The following ADARB2 variants were observed in gnomAD, a reference collection of about 807,000 sequenced individuals.
ADARB2 encodes inactive double-stranded RNA-specific editase B2.
A neutral mutation model predicts 62.2 loss-of-function variants in ADARB2; 25 were observed. The observed-to-expected ratio is 0.40, with a 90% CI of 0.29 to 0.56. The LOEUF is 0.56. Among genes scored for constraint, ADARB2 ranks in the 20% least tolerant of loss-of-function variants. The pLI, the probability that ADARB2 is intolerant of heterozygous loss-of-function variation, is 0.43. For synonymous variants in ADARB2, 572 were observed against 500.8 expected (o/e 1.14, Z -1.90); for missense variants, 1,071 against 1,077.4 (o/e 0.99, Z 0.08).
chr10:1,183,110 C>T lies in ADARB2; in HGVS notation c.*83G>A, dbSNP rs976730270. On this transcript the variant is annotated 3_prime_UTR_variant, in exon 10 of 10. Coordinates refer to ENST00000381312, the MANE Select transcript of ADARB2 (RefSeq NM_018702.4). ...CCAAAGTAAAACGAATGCAGGGAAC[C>T]GGCCGACCCGCCACGTCGCCCCCCA... 2.5e-5 allele frequency: 37 copies of T among 1,490,320 alleles called. No homozygotes were observed. Among genetic ancestry groups the T allele is most frequent in the African/African-American group, 4.2e-5 (3 of 71,468 alleles). 92.3% of individuals were successfully genotyped at this position (1,490,320 alleles called of 1,614,324 possible).
chr10:1,580,537 G>A (rs930245697), intron 1 of ADARB2, among the ~76,000 whole-genome samples: 57 of 145,790 alleles, frequency 3.9e-4, no homozygotes, highest in African/African-American at 1.3e-3. Context: ...TTTATTTAGA[G>A]CAGTTTGTGG....
chr10:1,217,619 T>C (rs1830643810), intron 6 of ADARB2, among the ~76,000 whole-genome samples: 1 of 152,208 alleles, frequency 6.6e-6, no homozygotes, highest in African/African-American at 2.4e-5. Context: ...ACTCAGCTCT[T>C]ACCCTGGTCC....
chr10:1,245,485 C>A (rs1211973682), intron 4 of ADARB2, among the ~76,000 whole-genome samples: 1 of 136,904 alleles, frequency 7.3e-6, no homozygotes, highest in Middle Eastern at 3.6e-3. Flanking sequence ...TATTCCTCCC[C>A]CCTCCCCCCA....
At chr10:1,525,346 C>T (rs138694338) in intron 1 of ADARB2, among the ~76,000 whole-genome samples, 4 of 152,308 alleles carry the variant, frequency 2.6e-5, no homozygotes, top group Non-Finnish European at 4.4e-5. Context: ...AGGAATCTCA[C>T]GATTTCATCT....
intron 1 of ADARB2, among the ~76,000 whole-genome samples, chr10:1,614,989 C>A (rs1874995): frequency 6.6e-6 from 1 of 151,776 alleles, no homozygotes; most frequent in South Asian, 2.1e-4. Context: ...GCTCTTTCTT[C>A]TCATTGTTGG....
At chr10:1,419,917 GTCTC>G (rs1832838410) in intron 1 of ADARB2, among the ~76,000 whole-genome samples, 1 of 152,220 alleles carries the variant, frequency 6.6e-6, no homozygotes. Flanking sequence ...AGAAATCAGA[GTCTC>G]TCTGGACATC....
At chr10:1,448,345 T>G (rs1267534954) in intron 1 of ADARB2, among the ~76,000 whole-genome samples, 2 of 152,188 alleles carry the variant, frequency 1.3e-5, no homozygotes, top group African/African-American at 4.8e-5. Flanking sequence ...TACTCCAAAG[T>G]GAACATGGGT....
chr10:1,533,150 G>A (rs546072296), intron 1 of ADARB2, among the ~76,000 whole-genome samples: 15 of 148,120 alleles, frequency 1.0e-4, no homozygotes, highest in Admixed American at 6.7e-4. Flanking sequence ...ATGGAGCCTC[G>A]CTCCATTGCC....
At position 1,363,643 on chromosome 10, in the gene ADARB2, C is replaced by T; in HGVS notation, c.462G>A (p.Pro154=). The T allele has an allele frequency of 3.1e-6, 5 of 1,605,906 alleles. No homozygotes were observed. The highest frequency in any genetic ancestry group is 4.3e-6 in the Non-Finnish European group (5 of 1,176,144). The change falls in exon 3 of 10, where the codon CCG becomes CCA. Residue 154 remains proline, a synonymous_variant. Coordinates refer to ENST00000381312, the MANE Select transcript of ADARB2 (RefSeq NM_018702.4). ...TCACCTCCACCGCTACCGCGAAGAC[C>T]GGGGCATGCACCGGGCCCGTCTGCG... ...TVSQTGPVHA[P]VFAVAVEVNG...
At position 1,678,315 on chromosome 10, in the gene ADARB2, G is replaced by A. The variant is rs530121965; in HGVS notation, c.100+58736C>T. On this transcript the variant is annotated intron_variant, in intron 1 of 9. Transcript: ENST00000381312. ...CGGGGTGAGCATCCTCAGGGTGAGC[G>A]TCTTCAGGGTGAACATCCTCGGGGT... is the stretch of plus-strand genomic sequence containing the variant. 7.3e-5 allele frequency: 72 copies of A among 985,130 alleles called. 1 individual carries two copies. The highest frequency in any genetic ancestry group is 8.2e-5 in the Non-Finnish European group (68 of 829,906). 61.0% of individuals were successfully genotyped at this position (985,130 alleles called of 1,614,324 possible).
chr10:1,262,845 G>A (rs2131792358), intron 4 of ADARB2, among the ~76,000 whole-genome samples: 1 of 152,146 alleles, frequency 6.6e-6, no homozygotes, highest in South Asian at 2.1e-4. Context: ...TGTTTATTTT[G>A]GCACTATTCA....
At chr10:1,604,104 C>T (rs2132016648) in intron 1 of ADARB2, among the ~76,000 whole-genome samples, 1 of 152,216 alleles carries the variant, frequency 6.6e-6, no homozygotes. Context: ...TGCCTCTGGC[C>T]AATATTTTAT....
chr10:1,213,850 G>C (rs1663846480), intron 7 of ADARB2, among the ~76,000 whole-genome samples: 1 of 152,206 alleles, frequency 6.6e-6, no homozygotes, highest in Admixed American at 6.5e-5. Context: ...CGTTGTGTGG[G>C]TTTGCATCTG....
chr10:1,654,646 T>C (rs1834152595), intron 1 of ADARB2, among the ~76,000 whole-genome samples: 1 of 152,238 alleles, frequency 6.6e-6, no homozygotes, highest in African/African-American at 2.4e-5. Flanking sequence ...GGCTTTCCTG[T>C]TTCCTTTGGT....
At chr10:1,596,689 G>A (rs1205502957) in intron 1 of ADARB2, among the ~76,000 whole-genome samples, 6 of 152,158 alleles carry the variant, frequency 3.9e-5, no homozygotes, top group Admixed American at 6.5e-5. Context: ...TGAGGGAATC[G>A]GTGTCACCCG....
At chr10:1,203,692 G>T (rs1421068829) in intron 7 of ADARB2, among the ~76,000 whole-genome samples, 1 of 152,150 alleles carries the variant, frequency 6.6e-6, no homozygotes, top group African/African-American at 2.4e-5. Flanking sequence ...TGTGAGCCAG[G>T]GTTGAAGACT....
intron 1 of ADARB2, among the ~76,000 whole-genome samples, chr10:1,724,841 A>G (rs1482818093): frequency 6.6e-6 from 1 of 152,204 alleles, no homozygotes; most frequent in Non-Finnish European, 1.5e-5. Flanking sequence ...GTGGACAGCC[A>G]CAATGCCTGA....
chr10:1,288,839 T>G (rs950098277), intron 3 of ADARB2, among the ~76,000 whole-genome samples: 1 of 152,184 alleles, frequency 6.6e-6, no homozygotes, highest in Non-Finnish European at 1.5e-5. Context: ...CACTCTGACA[T>G]GTGACGCGGT....
chr10:1,644,938 TGC>T (rs924620545), intron 1 of ADARB2, among the ~76,000 whole-genome samples: 3 of 152,210 alleles, frequency 2.0e-5, no homozygotes, highest in African/African-American at 7.2e-5. Flanking sequence ...GTTTTAAGAG[TGC>T]GTGTCACGCC....
Sources: gnomAD v4.1 joint callset for allele counts (sites outside exome capture counted in the v4.1 genomes callset) on GRCh38, gnomAD v4.1.1 for gene constraint, MANE v1.5 for transcripts, NCBI Gene and HGNC (gene_info 2026-07-23, HGNC 2026-07-21) for gene names.